Variants in ITGAL observed in about 807,000 individuals in gnomAD.
ITGAL encodes integrin subunit alpha L.
Under a neutral mutation model 138.4 loss-of-function variants are expected in ITGAL, and 68 were observed. The observed-to-expected ratio is 0.49, with a 90% CI of 0.40 to 0.60. The LOEUF (loss-of-function observed/expected upper bound fraction) is 0.60, where lower values mean the gene tolerates loss of function less well. Among genes scored for constraint, ITGAL ranks in the 20% least tolerant of loss-of-function variants. The probability of loss-of-function intolerance (pLI) is 0.00; values close to 1 mark genes in which losing one functional copy is unlikely to be tolerated. For missense variants in ITGAL, 1,256 were observed against 1,478.6 expected (o/e 0.85, Z 2.47); for synonymous variants, 561 against 584.3 (o/e 0.96, Z 0.57).
At chr16:30,484,617 A>T (rs2050612449) in intron 9 of ITGAL, among the ~76,000 whole-genome samples, 2 of 149,000 alleles carry the variant, frequency 1.3e-5, no homozygotes, top group African/African-American at 5.0e-5. Flanking sequence ...TTCAAAAAAT[A>T]AAAAACAAAA....
At chr16:30,479,873 A>C (rs1303961220) in intron 6 of ITGAL, among the ~76,000 whole-genome samples, 1 of 150,610 alleles carries the variant, frequency 6.6e-6, no homozygotes, top group Non-Finnish European at 1.5e-5. Flanking sequence ...CTGGTCTTGA[A>C]CTCCTGACCT....
intron 11 of ITGAL, among the ~76,000 whole-genome samples, chr16:30,491,979 T>C (rs1462345132): frequency 3.3e-5 from 5 of 152,306 alleles, no homozygotes; most frequent in South Asian, 4.1e-4. Flanking sequence ...GTTCCGTCTC[T>C]TCACTCTTCC....
In ITGAL at chr16:30,504,224, C is replaced by T; in HGVS notation, c.2195C>T (p.Ser732Phe). 1 of 1,613,746 alleles carries T rather than the reference C, an allele frequency of 6.2e-7. No individual in the cohort carries two copies. Among genetic ancestry groups the T allele is most frequent in the Non-Finnish European group, 8.5e-7 (1 of 1,179,716 alleles). ...ISPINVSLNF[S>F]LWEEEGTPRD... ...CCCATCAATGTTTCCCTGAATTTCT[C>T]TCTTTGGGAGGAGGAAGGGACACCG... Residue 732 changes from serine to phenylalanine, a missense_variant, in exon 18 of 31, where the codon TCT (serine) becomes TTT (phenylalanine). Physicochemically the swap from Ser to Phe is radical, Grantham distance 155. This residue lies in a region of ITGAL where 867 missense variants were observed against 972.5 expected (regional missense o/e 0.89). Coordinates refer to ENST00000356798, the MANE Select transcript of ITGAL (RefSeq NM_002209.3).
In ITGAL at chr16:30,496,129, G is replaced by A. The variant is rs2050795025; in HGVS notation, c.1536G>A (p.Gly512=). The stretch of plus-strand genomic sequence containing the variant: ...TTGAAGAAGTCTCAGAGCTGCAGGG[G>A]GACCCCGGCTACCCACTCGGGCGGT... ...LGFEEVSELQ[G]DPGYPLGRFG... is the part of the protein sequence containing the mutation. The change falls in exon 14 of 31, where the codon GGG becomes GGA. Residue 512 remains glycine (G), a synonymous_variant. Transcript: ENST00000356798. 2 of 1,613,988 alleles carry A rather than the reference G, an allele frequency of 1.2e-6. No individual in the cohort carries two copies. Among genetic ancestry groups the A allele is most frequent in the Non-Finnish European group, 1.7e-6 (2 of 1,180,010 alleles).
chr16:30,490,256 A>G (rs1298059987), intron 11 of ITGAL, among the ~76,000 whole-genome samples: 1 of 143,982 alleles, frequency 6.9e-6, no homozygotes, highest in Non-Finnish European at 1.5e-5. Context: ...AAGGCCTTTT[A>G]TATGCAAACC....
chr16:30,492,881 C>A (rs2151155318), intron 11 of ITGAL, among the ~76,000 whole-genome samples: 1 of 151,960 alleles, frequency 6.6e-6, no homozygotes. Context: ...TTCAAGTTTC[C>A]TGCTTTATTT....
intron 17 of ITGAL, among the ~76,000 whole-genome samples, chr16:30,500,210 C>T (rs753714581): frequency 6.6e-6 from 1 of 151,554 alleles, no homozygotes; most frequent in Non-Finnish European, 1.5e-5. Context: ...CTCAGCCTCC[C>T]GAGTAGCTGG....
Position 30,521,612 on chromosome 16 carries a change from T to C in ITGAL, c.3460T>C (p.Cys1154Arg), listed in dbSNP as rs779725947. 1 of 1,614,062 alleles carries C rather than the reference T, an allele frequency of 6.2e-7. No individual in the cohort carries two copies. Among genetic ancestry groups the C allele is most frequent in the East Asian group, 2.2e-5 (1 of 44,892 alleles). Residue 1154 changes from cysteine to arginine, a missense_variant, in exon 31 of 31, where the codon TGC becomes CGC. Transcript: ENST00000356798. ...ASGQEAGDPGCLKPLHEKDSE... is the reference protein window; with the variant it reads ...ASGQEAGDPGRLKPLHEKDSE... ...TGGGCAAGAGGCTGGGGATCCCGGC[T>C]GCCTGAAGCCCCTCCATGAGAAGGA...
At chr16:30,476,026 G>A (rs1328392931) in intron 4 of ITGAL, among the ~76,000 whole-genome samples, 1 of 152,082 alleles carries the variant, frequency 6.6e-6, no homozygotes, top group Admixed American at 6.6e-5. Flanking sequence ...CGAGGCAGGC[G>A]GATCACGAGG....
Position 30,496,235 on chromosome 16 carries a change from C to A in ITGAL, c.1642C>A (p.Gln548Lys). 1 of 1,608,704 alleles carries A rather than the reference C, an allele frequency of 6.2e-7. No homozygotes were observed. Among genetic ancestry groups the A allele is most frequent in the Admixed American group, 1.7e-5 (1 of 59,372 alleles). ...DVAVGAPLEE[Q>K]GAVYIFNGRH... ...GGCTGTGGGGGCCCCTCTGGAGGAG[C>A]AGGGGGCTGTGTACATCTTCAATGG... The change falls in exon 14 of 31, where the codon CAG becomes AAG. Residue 548 changes from glutamine (Q) to lysine (K), a missense_variant. By Grantham distance (53) the Gln-to-Lys change is moderately conservative (BLOSUM62 1). Around this residue, in one of 3 missense-constraint regions of ITGAL, gnomAD observed 867 missense variants for 972.5 expected, o/e 0.89. Coordinates refer to ENST00000356798, the MANE Select transcript of ITGAL (RefSeq NM_002209.3).
intron 17 of ITGAL, among the ~76,000 whole-genome samples, chr16:30,500,112 G>A (rs1234768153): frequency 6.8e-6 from 1 of 147,024 alleles, no homozygotes; most frequent in East Asian, 2.0e-4. Flanking sequence ...TTGAGACAGA[G>A]TCTCGCTCTA....
chr16:30,496,535 G>T lies in ITGAL; in HGVS notation c.1801G>T (p.Val601Leu). The T allele has an allele frequency of 6.2e-7, 1 of 1,614,000 alleles. No individual in the cohort carries two copies. Among genetic ancestry groups the T allele is most frequent in the Non-Finnish European group, 8.5e-7 (1 of 1,179,928 alleles). ...LEGDGLADVA[V>L]GAESQMIVLS... ...AGGGGATGGCTTGGCAGATGTGGCT[G>T]TGGGGGCTGAGAGCCAGATGATCGT... Residue 601 changes from valine (V) to leucine (L), a missense_variant, in exon 15 of 31, where the codon GTG (valine) becomes TTG (leucine). This residue lies in a region of ITGAL where 867 missense variants were observed against 972.5 expected (regional missense o/e 0.89). Coordinates refer to ENST00000356798, the MANE Select transcript of ITGAL (RefSeq NM_002209.3).
At chr16:30,495,434 C>T (rs1185023119) in intron 13 of ITGAL, among the ~76,000 whole-genome samples, 1 of 152,174 alleles carries the variant, frequency 6.6e-6, no homozygotes, top group East Asian at 1.9e-4. Context: ...GCTGGGATTA[C>T]AGGCGTGAGC....
intron 4 of ITGAL, 146 bp downstream of exon 4, chr16:30,475,726 G>A: frequency 3.2e-6 from 1 of 309,488 alleles, no homozygotes; most frequent in Non-Finnish European, 6.2e-6. Context: ...AACCAATGAT[G>A]AACCAGCCTT....
intron 15 of ITGAL, among the ~76,000 whole-genome samples, chr16:30,497,920 C>T (rs1383683420): frequency 6.6e-6 from 1 of 151,264 alleles, no homozygotes; most frequent in African/African-American, 2.4e-5. Context: ...GTACTCCAGC[C>T]TGAGCTACAG....
chr16:30,477,274 C>T (rs1208604315), intron 4 of ITGAL: 4 of 152,114 alleles, frequency 2.6e-5, no homozygotes, highest in South Asian at 2.1e-4. Context: ...TTGATGAGGC[C>T]GGGCTGGTGG....
intron 17 of ITGAL, among the ~76,000 whole-genome samples, chr16:30,503,420 C>G (rs2151164861): frequency 6.7e-6 from 1 of 150,012 alleles, no homozygotes. Flanking sequence ...ACAACTGTGC[C>G]ACCTTTTTAG....
At chr16:30,499,045 G>T (rs1198068239) in intron 15 of ITGAL, 29 bp from the exon 16 acceptor site, 4 of 1,607,630 alleles carry the variant, frequency 2.5e-6, no homozygotes, top group South Asian at 1.1e-5. Context: ...GGGTTGGAGG[G>T]AGAGAGTTGG....
intron 25 of ITGAL, among the ~76,000 whole-genome samples, chr16:30,515,590 C>A (rs1222976000): frequency 6.6e-6 from 1 of 152,216 alleles, no homozygotes; most frequent in Non-Finnish European, 1.5e-5. Context: ...AGGCACCCTC[C>A]TTCCAGCCAC....
Sources: gnomAD v4.1 joint callset for allele counts (sites outside exome capture counted in the v4.1 genomes callset) on GRCh38, gnomAD v4.1.1 for gene constraint, gnomAD v4.1.1 regional missense constraint, MANE v1.5 for transcripts, NCBI Gene and HGNC (gene_info 2026-07-23, HGNC 2026-07-21) for gene names.